Variants in ZC3H12B observed in about 807,000 individuals in gnomAD.
ZC3H12B encodes the protein zinc finger CCCH-type containing 12B, also known as probable ribonuclease ZC3H12B.
Under a neutral mutation model 43.9 loss-of-function variants are expected in ZC3H12B, and 7 were observed. That is an observed-to-expected ratio of 0.16 (90% CI 0.09 to 0.30). ZC3H12B has a LOEUF of 0.30. Among genes scored for constraint, ZC3H12B ranks in the 10% least tolerant of loss-of-function variants. The probability of loss-of-function intolerance (pLI) is 1.00; values close to 1 mark genes in which losing one functional copy is unlikely to be tolerated. For synonymous variants in ZC3H12B, 222 were observed against 241.7 expected (o/e 0.92, Z 0.76); for missense variants, 475 against 670.2 (o/e 0.71, Z 3.22).
the ZC3H12B span, among the ~76,000 whole-genome samples, chrX:65,044,302 C>G: frequency 3.7e-4 from 41 of 110,656 alleles, no homozygotes; most frequent in African/African-American, 1.3e-3. Context: ...GAGGTGGGAG[C>G]CTGCTTGGTA....
At chrX:65,430,407 A>C (rs1157700101) in intron 3 of ZC3H12B, among the ~76,000 whole-genome samples, 1 of 106,464 alleles carries the variant, frequency 9.4e-6, no homozygotes, top group African/African-American at 3.5e-5. Flanking sequence ...GGCTTGTTAC[A>C]TATGTATACA....
chrX:65,388,884 G>A (rs1465382421), intron 2 of ZC3H12B, among the ~76,000 whole-genome samples: 1 of 112,083 alleles, frequency 8.9e-6, no homozygotes, highest in Non-Finnish European at 1.9e-5. Flanking sequence ...CAGGTCTGTT[G>A]CAGTTTGGCA....
At chrX:65,147,125 C>T in the ZC3H12B span, among the ~76,000 whole-genome samples, 7 of 111,910 alleles carry the variant, frequency 6.3e-5, no homozygotes, top group Admixed American at 3.8e-4. Flanking sequence ...TTTATACTCT[C>T]GTGGTTGGAA....
chrX:65,129,525 C>G, the ZC3H12B span, among the ~76,000 whole-genome samples: 1 of 109,557 alleles, frequency 9.1e-6, no homozygotes, highest in Non-Finnish European at 1.9e-5. Context: ...AGTGGGGGAG[C>G]TTCTGAGCCA....
the ZC3H12B span, among the ~76,000 whole-genome samples, chrX:65,070,331 C>T: frequency 2.7e-5 from 3 of 110,385 alleles, no homozygotes; most frequent in Non-Finnish European, 5.7e-5. Flanking sequence ...GATCTTCTTT[C>T]TTTTTTTCTT....
At chrX:65,153,935 A>G in the ZC3H12B span, among the ~76,000 whole-genome samples, 2 of 111,124 alleles carry the variant, frequency 1.8e-5, no homozygotes, top group Non-Finnish European at 3.8e-5. Context: ...TTGTAGGGAC[A>G]TGGATGAAAT....
At chrX:65,141,839 A>G in the ZC3H12B span, among the ~76,000 whole-genome samples, 1 of 111,664 alleles carries the variant, frequency 9.0e-6, no homozygotes, top group Admixed American at 9.6e-5. Context: ...TGTGAATGCC[A>G]TTAATTTATT....
rs370480581 is a variant in ZC3H12B at position 65,395,646 on chromosome X, TTTG to T, written n.296-2936_296-2934del. Among the ~76,000 whole-genome samples, 170 of 111,990 alleles carry T rather than the reference TTTG, an allele frequency of 1.5e-3. 6 individuals are homozygous for T. The South Asian group carries it at 0.06, about 40-fold the overall frequency. On this transcript the variant is annotated intron_variant and non_coding_transcript_variant, in intron 2 of 5. Transcript: ENST00000617377. ...ATCAGGGATATTGGCCTGAGTTTTT[TTTG>T]TTGTTGTTGTGTCTTTGCCAGGTTT...
chrX:65,233,901 A>G, the ZC3H12B span, among the ~76,000 whole-genome samples: 5 of 111,842 alleles, frequency 4.5e-5, no homozygotes, highest in Non-Finnish European at 7.5e-5. Context: ...TACAGCGGAT[A>G]CCACAGAAAT....
intron 2 of ZC3H12B, among the ~76,000 whole-genome samples, chrX:65,385,915 G>A (rs1372665140): frequency 8.9e-6 from 1 of 112,294 alleles, no homozygotes; most frequent in Non-Finnish European, 1.9e-5. Flanking sequence ...TGTGGTTTTT[G>A]TCTTTGGTTC....
chrX:65,187,166 T>G, the ZC3H12B span: 1 of 112,167 alleles, frequency 8.9e-6, no homozygotes, highest in Non-Finnish European at 1.9e-5. Flanking sequence ...AGTTTCATAT[T>G]AACTTCTATG....
chrX:65,377,291 A>G (rs1046273474), intron 2 of ZC3H12B, among the ~76,000 whole-genome samples: 2 of 110,317 alleles, frequency 1.8e-5, no homozygotes, highest in African/African-American at 6.6e-5. Context: ...GTAAGAGCAA[A>G]TTTAAGAGTT....
chrX:65,220,267 C>A, the ZC3H12B span, among the ~76,000 whole-genome samples: 1 of 111,690 alleles, frequency 9.0e-6, no homozygotes, highest in Non-Finnish European at 1.9e-5. Context: ...ATAAATTTCA[C>A]AGTACCTATA....
the ZC3H12B span, among the ~76,000 whole-genome samples, chrX:65,061,820 C>T: frequency 2.7e-4 from 30 of 112,286 alleles, no homozygotes; most frequent in Non-Finnish European, 4.9e-4. Flanking sequence ...ACATCATTTC[C>T]AGAATCTGTT....
At chrX:65,045,998 A>G in the ZC3H12B span, among the ~76,000 whole-genome samples, 1 of 111,678 alleles carries the variant, frequency 9.0e-6, no homozygotes, top group Non-Finnish European at 1.9e-5. Context: ...GTAGGTCTCA[A>G]CAGTGGGCTT....
At chrX:65,103,971 A>G in the ZC3H12B span, among the ~76,000 whole-genome samples, 1 of 111,983 alleles carries the variant, frequency 8.9e-6, no homozygotes, top group Admixed American at 9.5e-5. Flanking sequence ...GACAATCCTA[A>G]GCAAAAAGAA....
At chrX:65,362,011 C>G (rs1205150627), upstream of ZC3H12B, among the ~76,000 whole-genome samples, 1 of 112,342 alleles carries the variant, frequency 8.9e-6, no homozygotes, top group Non-Finnish European at 1.9e-5. Context: ...AATCTGGCCA[C>G]TGGGCCAACA....
At chrX:65,052,749 C>T in the ZC3H12B span, among the ~76,000 whole-genome samples, 1 of 111,734 alleles carries the variant, frequency 8.9e-6, no homozygotes, top group Non-Finnish European at 1.9e-5. Context: ...CATAGATGTT[C>T]AGATATCTCT....
At chrX:65,038,008 A>C in the ZC3H12B span, among the ~76,000 whole-genome samples, 8 of 111,197 alleles carry the variant, frequency 7.2e-5, no homozygotes, top group Non-Finnish European at 1.1e-4. Flanking sequence ...CATTTCTAAC[A>C]ACCTTCCGCT....
Sources: gnomAD v4.1 joint callset for allele counts (sites outside exome capture counted in the v4.1 genomes callset) on GRCh38, gnomAD v4.1.1 for gene constraint, MANE v1.5 for transcripts, NCBI Gene and HGNC (gene_info 2026-07-23, HGNC 2026-07-21) for gene names.